Variants in CASP2 observed in about 807,000 individuals in gnomAD.
The protein encoded by CASP2 is caspase 2.
In CASP2, 38 loss-of-function variants were observed where a neutral mutation model predicts 54.4. The observed-to-expected ratio is 0.70, with a 90% CI of 0.54 to 0.92. CASP2 has a LOEUF of 0.92. Ranked by LOEUF, CASP2 falls within the 40% of genes least tolerant of loss-of-function variation. The pLI, the probability that CASP2 is intolerant of heterozygous loss-of-function variation, is 0.00. For synonymous variants in CASP2, 215 were observed against 216.3 expected, an observed-to-expected ratio of 0.99 and a Z score of 0.05; for missense variants, 512 against 579.6, an observed-to-expected ratio of 0.88 and a Z score of 1.20.
At chr7:143,296,727 CAG>C (rs939955552) in intron 6 of CASP2, among the ~76,000 whole-genome samples, 9 of 136,020 alleles carry the variant, frequency 6.6e-5, no homozygotes, top group African/African-American at 2.5e-4. Context: ...AGCAAAGAAA[CAG>C]AACCAAAAAA....
chr7:143,292,484 A>T lies in CASP2; in HGVS notation c.393+17A>T, dbSNP rs559973451. 3.1e-6 allele frequency: 5 copies of T among 1,613,874 alleles called. No homozygotes were observed. The highest frequency in any genetic ancestry group is 1.1e-5 in the South Asian group (1 of 91,084). On this transcript the variant is annotated intron_variant, in intron 3 of 10. Coordinates refer to ENST00000310447, the MANE Select transcript of CASP2 (RefSeq NM_032982.4). ...CTCCCACCGGTATGAAGCTTTAGTA[A>T]TATGGGGTGTTGGGAAGGGTTAGTT... is the stretch of plus-strand genomic sequence containing the variant.
rs1376838093 is a variant in CASP2 at position 143,291,586 on chromosome 7, A to C, written c.121A>C (p.Lys41Gln). 6.2e-7 allele frequency: 1 copy of C among 1,614,056 alleles called. No individual in the cohort carries two copies. The highest frequency in any genetic ancestry group is 1.3e-5 in the African/African-American group (1 of 74,986). ...GCATCCTCATCATCAGGAAACTCTA[A>C]AAAAGAACCGAGTGGTGCTAGCCAA... The part of the protein sequence containing the change: ...GMHPHHQETL[K>Q]KNRVVLAKQL... Residue 41 changes from lysine to glutamine, a missense_variant, in exon 2 of 11, where the codon AAA (lysine) becomes CAA (glutamine). This residue lies in a region of CASP2 where 89 missense variants were observed against 67.1 expected (regional missense o/e 1.33). Coordinates refer to ENST00000310447, the MANE Select transcript of CASP2 (RefSeq NM_032982.4).
chr7:143,300,452 C>A (rs1468844274), intron 8 of CASP2, 158 bp downstream of exon 8: 1 of 1,596,306 alleles, frequency 6.3e-7, no homozygotes, highest in Admixed American at 1.7e-5. Context: ...TAAGTGTCTC[C>A]CAATGCATGG....
intron 1 of CASP2, chr7:143,289,642 T>G (rs1366301038): frequency 1.0e-6 from 1 of 981,016 alleles, no homozygotes; most frequent in African/African-American, 1.8e-5. Flanking sequence ...ATGGAAGAAA[T>G]CTGCTGCACC....
intron 5 of CASP2, 30 bp downstream of exon 5, chr7:143,294,354 A>G (rs1801679288): frequency 6.8e-7 from 1 of 1,462,030 alleles, no homozygotes; most frequent in Non-Finnish European, 9.6e-7. Flanking sequence ...CAAGAGGAAG[A>G]GAGTTGGGAA....
In CASP2 at chr7:143,296,691, C is replaced by CT. The variant is rs760883985; in HGVS notation, c.747+1919dup. ...TGGTGGGATCTCCCTAGAGAGTCAA[C>CT]TCGTTTATCATATAGCTATTTGGCA... On this transcript the variant is annotated intron_variant, in intron 6 of 10. Coordinates refer to ENST00000310447, the MANE Select transcript of CASP2 (RefSeq NM_032982.4). 1.2e-4 allele frequency among the ~76,000 whole-genome samples: 18 copies of CT among 151,020 alleles called. No individual in the cohort carries two copies. The South Asian group carries it at 3.7e-3, about 31-fold the overall frequency.
chr7:143,294,916 G>T, intron 6 of CASP2, 143 bp downstream of exon 6: 1 of 756,544 alleles, frequency 1.3e-6, no homozygotes, highest in Admixed American at 2.0e-5. Context: ...ACTCTGTTCT[G>T]CCTCTCACCT....
rs1169212452 is a variant in CASP2, at chr7:143,300,874, GT to G, written c.967+584del. On this transcript the variant is annotated intron_variant, in intron 8 of 10. Transcript: ENST00000310447. The stretch of plus-strand genomic sequence containing the variant: ...TGCCCCTCTTTCTCTCATGCAGTCT[GT>G]TTTACTCCTTTAAGAGCCAGGACTG... 7 of 1,105,166 alleles carry G rather than the reference GT, an allele frequency of 6.3e-6. No individual in the cohort carries two copies. In the Admixed American group the frequency reaches 3.4e-4, roughly 53 times the overall value. 68.5% of individuals were successfully genotyped at this position (1,105,166 alleles called of 1,614,324 possible). A position where few individuals can be genotyped will look rare whatever the true frequency, so the allele number is the denominator to read the frequency against.
In CASP2 at chr7:143,288,441, C is replaced by G. The variant is rs376047462; in HGVS notation, c.-15C>G. ...TGTGGGCGGTGCGCAGCGGAGAGCC[C>G]GGGAAAAGCGGGAAATGGCGGCGCC... On this transcript the variant is annotated 5_prime_UTR_variant, in exon 1 of 11. Transcript: ENST00000310447. 6 of 1,612,106 alleles carry G rather than the reference C, an allele frequency of 3.7e-6. No homozygotes were observed. Among genetic ancestry groups the G allele is most frequent in the South Asian group, 1.1e-5 (1 of 90,974 alleles).
chr7:143,299,963 C>T lies in CASP2; in HGVS notation c.788C>T (p.Ala263Val). ...EKLQNFAQLPAHRVTDSCIVA... is the reference protein window; with the variant it reads ...EKLQNFAQLPVHRVTDSCIVA... ...CTGCAGAATTTTGCACAGTTACCTG[C>T]ACACCGAGTCACGGACTCCTGCATC... Residue 263 changes from alanine to valine, a missense_variant, in exon 7 of 11, where the codon GCA becomes GTA. Physicochemically the swap from Ala to Val is moderately conservative, Grantham distance 64. Around this residue, in one of 3 missense-constraint regions of CASP2, gnomAD observed 417 missense variants for 495.4 expected, o/e 0.84. Coordinates refer to ENST00000310447, the MANE Select transcript of CASP2 (RefSeq NM_032982.4). The T allele has an allele frequency of 6.2e-7, 1 of 1,614,140 alleles. No individual in the cohort carries two copies. Among genetic ancestry groups the T allele is most frequent in the Non-Finnish European group, 8.5e-7 (1 of 1,180,002 alleles).
intron 6 of CASP2, chr7:143,298,856 T>C (rs1801832317): frequency 6.6e-6 from 1 of 152,212 alleles, no homozygotes; most frequent in Non-Finnish European, 1.5e-5. Flanking sequence ...TAAGTTGGAC[T>C]ACAACATTGA....
At chr7:143,297,762 G>A (rs1801799597) in intron 6 of CASP2, among the ~76,000 whole-genome samples, 1 of 152,126 alleles carries the variant, frequency 6.6e-6, no homozygotes, top group South Asian at 2.1e-4. Flanking sequence ...TTTCTTCTTT[G>A]AGCAAAATTA....
At chr7:143,300,369 G>C in intron 8 of CASP2, 75 bp downstream of exon 8, 1 of 1,604,048 alleles carries the variant, frequency 6.2e-7, no homozygotes. Flanking sequence ...TTTCCTGTTT[G>C]CTCCTCTCAG....
At chr7:143,291,780 CTTTTTTT>C (rs777186983) in intron 2 of CASP2, 90 bp downstream of exon 2, 22 of 425,478 alleles carry the variant, frequency 5.2e-5, no homozygotes, top group African/African-American at 3.0e-4. Flanking sequence ...ATCTTTCTTC[CTTTTTTT>C]TTTTTTTTTT....
rs182236290 is a variant in CASP2, at chr7:143,306,980, G to C, written c.*1909G>C. 3.9e-5 allele frequency: 6 copies of C among 152,236 alleles called. No individual in the cohort carries two copies. The highest frequency in any genetic ancestry group is 3.3e-4 in the Admixed American group (5 of 15,276). 9.4% of individuals were successfully genotyped at this position (152,236 alleles called of 1,614,324 possible). ...CTCCAGCCCGAGTGGTCTCCTCTCA[G>C]CTTCTAATTTTGTGCTCTTTCCTGC... On this transcript the variant is annotated 3_prime_UTR_variant, in exon 11 of 11. Transcript: ENST00000310447.
rs1367144419 is a variant in CASP2 at position 143,288,367 on chromosome 7, T to G, written c.-89T>G. 1 of 1,336,934 alleles carries G rather than the reference T, an allele frequency of 7.5e-7. No individual in the cohort carries two copies. Among genetic ancestry groups the G allele is most frequent in the Non-Finnish European group, 1.1e-6 (1 of 946,238 alleles). 82.8% of individuals were successfully genotyped at this position (1,336,934 alleles called of 1,614,324 possible). Reference sequence around the variant, plus strand: ...GGCGCAGGCGCAGTGTGCGTCCGCGTCTGAGGGGAGGGATGTGGGGGAAGC... The same window carrying G: ...GGCGCAGGCGCAGTGTGCGTCCGCGGCTGAGGGGAGGGATGTGGGGGAAGC... On this transcript the variant is annotated 5_prime_UTR_variant, in exon 1 of 11. Coordinates refer to ENST00000310447, the MANE Select transcript of CASP2 (RefSeq NM_032982.4).
chr7:143,300,621 G>A (rs1801888152), intron 8 of CASP2: 2 of 1,347,280 alleles, frequency 1.5e-6, no homozygotes, highest in Non-Finnish European at 1.9e-6. Flanking sequence ...CCTTTTTTTG[G>A]TTACTCATTC....
intron 6 of CASP2, among the ~76,000 whole-genome samples, chr7:143,296,733 CAAA>C (rs11297426): frequency 6.5e-5 from 9 of 138,744 alleles, no homozygotes; most frequent in Non-Finnish European, 9.5e-5. Flanking sequence ...GAAACAGAAC[CAAA>C]AAAAAAAAAA....
chr7:143,300,063 C>A lies in CASP2; in HGVS notation c.876+12C>A. On this transcript the variant is annotated intron_variant, in intron 7 of 10. Coordinates refer to ENST00000310447, the MANE Select transcript of CASP2 (RefSeq NM_032982.4). ...GGAAACTGCTCCAGGTGCGGATACC[C>A]TGGTGGAAGCCAACTGTTGAAACCA... 1 of 1,614,134 alleles carries A rather than the reference C, an allele frequency of 6.2e-7. No individual in the cohort carries two copies. Among genetic ancestry groups the A allele is most frequent in the South Asian group, 1.1e-5 (1 of 91,070 alleles).
Sources: gnomAD v4.1 joint callset for allele counts (sites outside exome capture counted in the v4.1 genomes callset) on GRCh38, gnomAD v4.1.1 for gene constraint, gnomAD v4.1.1 regional missense constraint, MANE v1.5 for transcripts, NCBI Gene and HGNC (gene_info 2026-07-23, HGNC 2026-07-21) for gene names.